Variants in JAK2 observed in about 807,000 individuals in gnomAD.
JAK2 encodes the protein Janus kinase 2.
JAK2 carries 86 observed loss-of-function variants against 139.3 expected under a neutral mutation model. That is an observed-to-expected ratio of 0.62 (90% confidence interval 0.52 to 0.74). The LOEUF is 0.74. Ranked by LOEUF, JAK2 falls within the 30% of genes least tolerant of loss-of-function variation. The pLI is 0.00. For synonymous variants in JAK2, 490 were observed against 437.7 expected (o/e 1.12, Z -1.49); for missense variants, 1,421 against 1,360.3 (o/e 1.04, Z -0.70).
In JAK2 at chr9:5,054,946, A is replaced by G; in HGVS notation, c.936+62A>G. 7.9e-7 allele frequency: 1 copy of G among 1,266,244 alleles called. No homozygotes were observed. Among genetic ancestry groups the G allele is most frequent in the Non-Finnish European group, 1.1e-6 (1 of 917,970 alleles). 78.4% of individuals were successfully genotyped at this position (1,266,244 alleles called of 1,614,324 possible). ...TTAAGTACAATGGAAATAAAAACAA[A>G]GTAATTTTAATCATTTGCAACATGG... On this transcript the variant is annotated intron_variant, in intron 7 of 24. Coordinates refer to ENST00000381652, the MANE Select transcript of JAK2 (RefSeq NM_004972.4). This position sits in a 1 kb window ranked among gnomAD's most constrained non-coding sequence, Gnocchi z 4.9.
intron 8 of JAK2, among the ~76,000 whole-genome samples, chr9:5,059,876 C>A (rs970906397): frequency 1.3e-5 from 2 of 152,086 alleles, no homozygotes; most frequent in Non-Finnish European, 2.9e-5. Flanking sequence ...CAGTCTTTTG[C>A]ACATTTTTCA....
At chr9:5,062,977 A>G (rs933744863) in intron 8 of JAK2, among the ~76,000 whole-genome samples, 15 of 152,058 alleles carry the variant, frequency 9.9e-5, no homozygotes, top group African/African-American at 3.1e-4. Context: ...TTTGTTATAC[A>G]TGTTTGTAAT....
chr9:5,016,944 A>G lies in JAK2; in HGVS notation c.-25-5019A>G, dbSNP rs1037118623. On this transcript the variant is annotated intron_variant, in intron 2 of 24. Transcript: ENST00000381652. The stretch of plus-strand genomic sequence containing the variant: ...GCTGAGAATTTCCTAGAATAGAAAA[A>G]AGACATGAATCTTTAGATTAAAAGT... Among the ~76,000 whole-genome samples the G allele has an allele frequency of 2.6e-5, 4 of 152,332 alleles. No homozygotes were observed. The South Asian group carries it at 8.3e-4, about 32-fold the overall frequency.
At position 5,066,700 on chromosome 9, in the gene JAK2, C is replaced by T. The variant is rs748449350; in HGVS notation, c.1237C>T (p.Leu413=). The change falls in exon 10 of 25, where the codon CTG becomes TTG. Residue 413 remains leucine (L), a synonymous_variant. Coordinates refer to ENST00000381652, the MANE Select transcript of JAK2 (RefSeq NM_004972.4). ...TAGGATGGATTTTGCCATTAGTAAA[C>T]TGAAGAAAGCAGGTAATCAGACTGG... ...PISMDFAISK[L]KKAGNQTGLY... 7 of 1,606,370 alleles carry T rather than the reference C, an allele frequency of 4.4e-6. No individual in the cohort carries two copies. In the African/African-American group the frequency reaches 5.4e-5, roughly 12 times the overall value.
chr9:5,072,779 G>C (rs1819056468), intron 13 of JAK2, among the ~76,000 whole-genome samples, 153 bp downstream of exon 13: 1 of 152,108 alleles, frequency 6.6e-6, no homozygotes, highest in South Asian at 2.1e-4. Context: ...TGGGGCTATA[G>C]AATTACAGGG....
intron 4 of JAK2, among the ~76,000 whole-genome samples, chr9:5,037,157 A>G (rs1409212010): frequency 6.6e-6 from 1 of 152,200 alleles, no homozygotes; most frequent in Non-Finnish European, 1.5e-5. Context: ...CCACAAAGAG[A>G]TACCATCTCA....
chr9:5,028,372 C>G (rs1459365022), intron 3 of JAK2, among the ~76,000 whole-genome samples: 1 of 152,164 alleles, frequency 6.6e-6, no homozygotes, highest in South Asian at 2.1e-4. Context: ...TACAGATGTG[C>G]TATCTTCTAG....
intron 22 of JAK2, chr9:5,091,322 A>C (rs1820554356): frequency 6.5e-6 from 1 of 154,522 alleles, no homozygotes; most frequent in Admixed American, 6.5e-5. Context: ...GCTATTGAGG[A>C]GTATCCTGAA....
rs930782026 is a variant in JAK2, at chr9:5,129,576, G to C, written c.*2785G>C. Among the ~76,000 whole-genome samples the C allele has an allele frequency of 1.3e-5, 2 of 152,080 alleles. No homozygotes were observed. The highest frequency in any genetic ancestry group is 4.8e-5 in the African/African-American group (2 of 41,420). ...ATATTAGAATAAATAGTAACAGTAA[G>C]TCAGCAGGATTATCCAAACAAAAGA... On this transcript the variant is annotated 3_prime_UTR_variant, in exon 25 of 25. Coordinates refer to ENST00000381652, the MANE Select transcript of JAK2 (RefSeq NM_004972.4).
chr9:4,996,532 A>AT (rs1820571393), intron 2 of JAK2, among the ~76,000 whole-genome samples: 1 of 151,882 alleles, frequency 6.6e-6, no homozygotes, highest in Admixed American at 6.6e-5. Context: ...TGTATAATTT[A>AT]TTTTTTTAAA....
At chr9:5,100,701 C>G (rs80173545) in intron 22 of JAK2, 3 of 152,158 alleles carry the variant, frequency 2.0e-5, no homozygotes, top group African/African-American at 4.8e-5. Context: ...AGAAGGAAAT[C>G]GAAAGCAAAT....
chr9:5,121,096 G>A (rs1823585009), intron 22 of JAK2, among the ~76,000 whole-genome samples: 1 of 152,186 alleles, frequency 6.6e-6, no homozygotes, highest in Non-Finnish European at 1.5e-5. Context: ...CTTCAATTTA[G>A]AAGAGGCAGA....
chr9:5,023,242 A>G (rs1279036766), intron 3 of JAK2, among the ~76,000 whole-genome samples: 1 of 152,200 alleles, frequency 6.6e-6, no homozygotes, highest in Non-Finnish European at 1.5e-5. Context: ...CCACATATGA[A>G]TGAGAACTTG....
At chr9:5,057,624 C>G (rs1817860806) in intron 8 of JAK2, among the ~76,000 whole-genome samples, 1 of 141,402 alleles carries the variant, frequency 7.1e-6, no homozygotes, top group Non-Finnish European at 1.5e-5. Flanking sequence ...GCCCTGTCAT[C>G]CAGGCTGGAG....
chr9:5,106,834 G>C (rs1019913978), intron 22 of JAK2, among the ~76,000 whole-genome samples: 5 of 152,156 alleles, frequency 3.3e-5, no homozygotes, highest in African/African-American at 1.2e-4. Context: ...TCACTCATAG[G>C]TGGGAGTTGA....
At chr9:5,107,456 C>G (rs1415936465) in intron 22 of JAK2, among the ~76,000 whole-genome samples, 3 of 152,122 alleles carry the variant, frequency 2.0e-5, no homozygotes, top group Non-Finnish European at 2.9e-5. Context: ...CTGCCATGAG[C>G]TATTCAAACA....
intron 3 of JAK2, among the ~76,000 whole-genome samples, chr9:5,026,048 CA>C (rs1274073617): frequency 6.6e-6 from 1 of 152,046 alleles, no homozygotes; most frequent in Non-Finnish European, 1.5e-5. Context: ...ATCTATTTTG[CA>C]AAGAATCATC....
At position 5,054,630 on chromosome 9, in the gene JAK2, C is replaced by A. The variant is rs772744665; in HGVS notation, c.682C>A (p.Arg228=). The A allele has an allele frequency of 1.9e-6, 3 of 1,612,462 alleles. No individual in the cohort carries two copies. Among genetic ancestry groups the A allele is most frequent in the Non-Finnish European group, 2.5e-6 (3 of 1,178,998 alleles). Residue 228 remains arginine, a synonymous_variant, in exon 7 of 25, where the codon CGA becomes AGA. Transcript: ENST00000381652. The surrounding 1 kb of genome is among the most constrained non-coding windows in gnomAD (Gnocchi z 4.9). ...IQDYHILTRK[R]IRYRFRRFIQ... is the part of the protein sequence containing the mutation. The stretch of plus-strand genomic sequence containing the variant: ...AGACTATCATATTTTGACAAGGAAG[C>A]GAATAAGGTACAGATTTCGCAGATT...
At chr9:5,118,458 G>C (rs1823371447) in intron 22 of JAK2, among the ~76,000 whole-genome samples, 1 of 151,944 alleles carries the variant, frequency 6.6e-6, no homozygotes. Flanking sequence ...TTTTCTTCTG[G>C]GTTATCATTG....
Sources: gnomAD v4.1 joint callset for allele counts (sites outside exome capture counted in the v4.1 genomes callset) on GRCh38, gnomAD v4.1.1 for gene constraint, Gnocchi (gnomAD v3.1) non-coding constraint, MANE v1.5 for transcripts, NCBI Gene and HGNC (gene_info 2026-07-23, HGNC 2026-07-21) for gene names.